Variants in SNRPN observed in about 807,000 individuals in gnomAD.
SNRPN encodes small nuclear ribonucleoprotein polypeptide N, also known as small nuclear ribonucleoprotein-associated protein N.
In SNRPN, 7 loss-of-function variants were observed where a neutral mutation model predicts 25.2. The observed-to-expected ratio is 0.28, with a 90% CI of 0.16 to 0.52. SNRPN has a LOEUF of 0.52. Ranked by LOEUF, SNRPN falls within the 20% of genes least tolerant of loss-of-function variation. The pLI, the probability that SNRPN is intolerant of heterozygous loss-of-function variation, is 0.96. For synonymous variants in SNRPN, 124 were observed against 110.6 expected, an observed-to-expected ratio of 1.12 and a Z score of -0.76; for missense variants, 196 against 322.5, an observed-to-expected ratio of 0.61 and a Z score of 3.00.
chr15:24,880,482 A>G (rs765013375), intron 1 of SNRPN, among the ~76,000 whole-genome samples: 18 of 152,110 alleles, frequency 1.2e-4, no homozygotes, highest in Non-Finnish European at 2.1e-4. Flanking sequence ...ATTTAGTAGT[A>G]CTTCACAGTC....
At chr15:24,961,603 T>C (rs2074825121) in intron 1 of SNRPN, among the ~76,000 whole-genome samples, 1 of 152,228 alleles carries the variant, frequency 6.6e-6, no homozygotes, top group Non-Finnish European at 1.5e-5. Flanking sequence ...TGAGCAGCTC[T>C]TCTATTGCTT....
At chr15:24,839,922 A>G (rs915563645) in intron 2 of SNRPN, among the ~76,000 whole-genome samples, 1 of 152,194 alleles carries the variant, frequency 6.6e-6, no homozygotes, top group Non-Finnish European at 1.5e-5. Flanking sequence ...AAGTCTATGG[A>G]GCCTGTCTAA....
rs563846177 is a variant in SNRPN at position 24,882,581 on chromosome 15, C to T, written c.-578-3935C>T. Among the ~76,000 whole-genome samples, 5 of 152,102 alleles carry T rather than the reference C, an allele frequency of 3.3e-5. No individual in the cohort carries two copies. In the East Asian group the frequency reaches 9.7e-4, roughly 29 times the overall value. ...GTGGCTTACGCCTGTAATTCCAGCA[C>T]TTTGGGAGGCTGAGGCAGGTGGATC... is the stretch of plus-strand genomic sequence containing the variant. On this transcript the variant is annotated intron_variant, in intron 1 of 11. Coordinates refer to the SNRPN transcript ENST00000400097.
In SNRPN at chr15:24,929,301, G is replaced by C. The variant is rs762591644; in HGVS notation, c.-391+9177G>C. On this transcript the variant is annotated intron_variant, in intron 3 of 11. Coordinates refer to the SNRPN transcript ENST00000400097. This position sits in a 1 kb window ranked among gnomAD's most constrained non-coding sequence, Gnocchi z 5.3. ...TCCACATTAAGAACCCTCTCTCCCA[G>C]TGAGTGTCACCCCATTTCTGTTTCA... 6.6e-6 allele frequency among the ~76,000 whole-genome samples: 1 copy of C among 151,818 alleles called. No individual in the cohort carries two copies. The highest frequency in any genetic ancestry group is 2.4e-5 in the African/African-American group (1 of 41,300).
intron 1 of SNRPN, among the ~76,000 whole-genome samples, chr15:24,957,647 C>A (rs2063147558): frequency 6.6e-6 from 1 of 152,118 alleles, no homozygotes; most frequent in African/African-American, 2.4e-5. Flanking sequence ...ATCTACGAAG[C>A]CCGAAAAGCC....
chr15:24,863,155 T>C (rs557337709), intron 1 of SNRPN, among the ~76,000 whole-genome samples: 8 of 150,288 alleles, frequency 5.3e-5, no homozygotes, highest in African/African-American at 1.0e-4. Flanking sequence ...CCAGGAGGGG[T>C]TGGTGTTGGG....
At chr15:24,850,420 C>T (rs986947283) in intron 2 of SNRPN, 5 of 152,138 alleles carry the variant, frequency 3.3e-5, no homozygotes, top group African/African-American at 1.2e-4. Flanking sequence ...AAGCATTTCT[C>T]CTGCCTCAGC....
At chr15:24,834,728 C>CTCTCTCTCTCTCTCTCTCTCT (rs2050864758) in intron 2 of SNRPN, among the ~76,000 whole-genome samples, 17 of 42,802 alleles carry the variant, frequency 4.0e-4, no homozygotes, top group Non-Finnish European at 6.7e-4. Context: ...TCTCTCTCTC[C>CTCTCTCTCTCTCTCTCTCTCT]CTCTCTCTCT....
At chr15:24,831,107 G>A (rs1044844315) in intron 2 of SNRPN, among the ~76,000 whole-genome samples, 1 of 151,912 alleles carries the variant, frequency 6.6e-6, no homozygotes, top group South Asian at 2.1e-4. Context: ...CTGATGCCCT[G>A]TTGCTCTGTT....
chr15:24,827,277 G>A (rs951853866), intron 1 of SNRPN, among the ~76,000 whole-genome samples: 1 of 151,824 alleles, frequency 6.6e-6, no homozygotes, highest in African/African-American at 2.4e-5. Context: ...CACTTTGGGA[G>A]GCCGAGGCAG....
At chr15:24,890,398 T>A (rs1298983760) in intron 2 of SNRPN, among the ~76,000 whole-genome samples, 1 of 152,010 alleles carries the variant, frequency 6.6e-6, no homozygotes, top group Non-Finnish European at 1.5e-5. Context: ...CCTATCCAGC[T>A]GGGCACAGTG....
chr15:24,885,980 A>G (rs560081083), intron 1 of SNRPN, among the ~76,000 whole-genome samples: 1 of 152,272 alleles, frequency 6.6e-6, no homozygotes, highest in East Asian at 1.9e-4. Context: ...CTGTTTCTGC[A>G]TTCTCAGTAC....
At chr15:24,889,594 C>A (rs1268718473) in intron 2 of SNRPN, among the ~76,000 whole-genome samples, 10 of 151,998 alleles carry the variant, frequency 6.6e-5, no homozygotes, top group Admixed American at 6.6e-4. Flanking sequence ...CATGAGCCAC[C>A]GTGCCCGGCC....
intron 1 of SNRPN, among the ~76,000 whole-genome samples, chr15:24,956,452 C>T (rs543860443): frequency 1.3e-5 from 2 of 152,206 alleles, no homozygotes; most frequent in Non-Finnish European, 2.9e-5. Context: ...GCCGTACCCT[C>T]TTTAGGGTGC....
At chr15:24,947,238 A>C (rs1397863194) in intron 3 of SNRPN, among the ~76,000 whole-genome samples, 1 of 152,232 alleles carries the variant, frequency 6.6e-6, no homozygotes, top group Non-Finnish European at 1.5e-5. Context: ...TATTATATTT[A>C]AGAGACCCTG....
At chr15:24,931,971 G>A (rs1235572769) in intron 3 of SNRPN, among the ~76,000 whole-genome samples, 4 of 150,836 alleles carry the variant, frequency 2.7e-5, no homozygotes, top group Non-Finnish European at 4.4e-5. Flanking sequence ...TTTACCAAAA[G>A]TGGTGGTTCC....
intron 2 of SNRPN, among the ~76,000 whole-genome samples, chr15:24,903,247 T>C (rs2058582915): frequency 6.6e-6 from 1 of 152,188 alleles, no homozygotes; most frequent in Non-Finnish European, 1.5e-5. Flanking sequence ...TTTGATTTTG[T>C]ATATGTTTAG....
At chr15:24,968,290 C>A in intron 3 of SNRPN, 1 of 397,766 alleles carries the variant, frequency 2.5e-6, no homozygotes, top group Non-Finnish European at 4.6e-6. Flanking sequence ...GTTATTGTAG[C>A]GCATGCTTTT....
chr15:24,880,714 T>C (rs1329532755), intron 1 of SNRPN, among the ~76,000 whole-genome samples: 2 of 151,008 alleles, frequency 1.3e-5, no homozygotes, highest in African/African-American at 2.5e-5. Flanking sequence ...TCATAAAATA[T>C]GACATTCAAC....
Sources: gnomAD v4.1 joint callset for allele counts (sites outside exome capture counted in the v4.1 genomes callset) on GRCh38, gnomAD v4.1.1 for gene constraint, Gnocchi (gnomAD v3.1) non-coding constraint, MANE v1.5 for transcripts, NCBI Gene and HGNC (gene_info 2026-07-23, HGNC 2026-07-21) for gene names.